POLK: variants seen among roughly 807,000 people sequenced by gnomAD.
POLK encodes the protein polymerase (DNA directed) kappa.
Under a neutral mutation model 94.0 loss-of-function variants are expected in POLK, and 76 were observed. The ratio of observed to expected loss-of-function variants is 0.81; its 90% CI spans 0.67 to 0.98. POLK has a LOEUF of 0.98. POLK is among the 50% of genes least tolerant of loss of function. POLK has a pLI of 0.00. For missense variants in POLK, 954 were observed against 1,010.1 expected (o/e 0.94, Z 0.75); for synonymous variants, 349 against 325.4 (o/e 1.07, Z -0.78).
In POLK at chr5:75,588,021, T is replaced by G. The variant is rs140251902; in HGVS notation, c.1259+963T>G. 2.1e-3 allele frequency among the ~76,000 whole-genome samples: 316 copies of G among 152,150 alleles called. 1 individual carries two copies. In the East Asian group the frequency reaches 0.027, roughly 13 times the overall value. ...CAGAAAAGCTGATTAACTTTTACAA[T>G]ACAACATAATAAATGGCTTTGATAA... On this transcript the variant is annotated intron_variant, in intron 10 of 14. Coordinates refer to ENST00000241436, the Ensembl canonical transcript of POLK.
chr5:75,565,806 G>A (rs1771235512), intron 3 of POLK, among the ~76,000 whole-genome samples: 1 of 152,200 alleles, frequency 6.6e-6, no homozygotes, highest in Admixed American at 6.5e-5. Flanking sequence ...CCTGTATGAG[G>A]TGTCTGTCAA....
chr5:75,583,331 G>T (rs766628193), exon 8 of POLK: 6 of 1,605,336 alleles, frequency 3.7e-6, no homozygotes, highest in Non-Finnish European at 4.3e-6. Context: ...AGTATGCAGT[G>T]ATAAGAATAA....
At chr5:75,567,223 C>T (rs1157090899) in intron 3 of POLK, among the ~76,000 whole-genome samples, 1 of 152,060 alleles carries the variant, frequency 6.6e-6, no homozygotes, top group African/African-American at 2.4e-5. Context: ...TTTTTCTTTT[C>T]TAGATGATTC....
At chr5:75,603,712 T>C (rs1039445511), downstream of POLK, among the ~76,000 whole-genome samples, 14 of 152,144 alleles carry the variant, frequency 9.2e-5, no homozygotes, top group Non-Finnish European at 8.8e-5. Context: ...CCAAGCTGTT[T>C]CTCCTTTCTG....
chr5:75,555,526 A>G (rs148238713), intron 3 of POLK, among the ~76,000 whole-genome samples: 144 of 152,000 alleles, frequency 9.5e-4, no homozygotes, highest in African/African-American at 3.3e-3. Flanking sequence ...AATATTATTC[A>G]ATTGTCTGGG....
chr5:75,601,436 T>G (rs1403931161), downstream of POLK, among the ~76,000 whole-genome samples: 1 of 152,180 alleles, frequency 6.6e-6, no homozygotes, highest in African/African-American at 2.4e-5. Flanking sequence ...TGCAAAATAT[T>G]GTTCCTGGGT....
At chr5:75,597,366 G>A in intron 13 of POLK, 188 bp downstream of exon 13, 3 of 522,498 alleles carry the variant, frequency 5.7e-6, no homozygotes, top group Non-Finnish European at 3.4e-6. Context: ...GTGAATTTGG[G>A]GAAAACTTTG....
chr5:75,566,365 G>A (rs1441744551), intron 3 of POLK, among the ~76,000 whole-genome samples: 1 of 152,228 alleles, frequency 6.6e-6, no homozygotes, highest in Non-Finnish European at 1.5e-5. Flanking sequence ...CCGTTTCCCA[G>A]GGAATGAACG....
intron 4 of POLK, among the ~76,000 whole-genome samples, chr5:75,570,001 T>C (rs1007736389): frequency 6.6e-6 from 1 of 152,164 alleles, no homozygotes; most frequent in Non-Finnish European, 1.5e-5. Flanking sequence ...GATTCTACAT[T>C]ATGGTGAGTT....
chr5:75,576,895 G>T (rs3104717), exon 6 of POLK: 44 of 1,556,256 alleles, frequency 2.8e-5, no homozygotes, highest in Non-Finnish European at 3.8e-5. Context: ...GAGGATAAAA[G>T]AAGGTATTTC....
At chr5:75,516,031 AT>A (rs1254324378) in intron 1 of POLK, among the ~76,000 whole-genome samples, 1 of 152,092 alleles carries the variant, frequency 6.6e-6, no homozygotes, top group African/African-American at 2.4e-5. Context: ...AGTATGCCTT[AT>A]TTTGAGAAAT....
At chr5:75,579,918 C>T (rs958051690) in intron 6 of POLK, among the ~76,000 whole-genome samples, 6 of 149,284 alleles carry the variant, frequency 4.0e-5, no homozygotes, top group South Asian at 2.1e-4. Flanking sequence ...CGTGATGGCT[C>T]GCGCCTGTAG....
exon 13 of POLK, chr5:75,596,563 T>G: frequency 6.2e-7 from 1 of 1,613,782 alleles, no homozygotes; most frequent in Non-Finnish European, 8.5e-7. Context: ...GATACTTACC[T>G]GTCCTGTTTG....
At chr5:75,528,071 G>T (rs1768959946) in intron 1 of POLK, among the ~76,000 whole-genome samples, 1 of 152,088 alleles carries the variant, frequency 6.6e-6, no homozygotes, top group East Asian at 1.9e-4. Flanking sequence ...CAGATGCCCA[G>T]ACACATCATG....
At position 75,563,363 on chromosome 5, in the gene POLK, A is replaced by AT. The variant is rs1288440755; in HGVS notation, c.256-5970dup. ...AAAAAACCAGCTCCTGAACTCATTG[A>AT]TTTTTTTAAGGGATTTTCGTGTCTC... is the stretch of plus-strand genomic sequence containing the variant. On this transcript the variant is annotated intron_variant, in intron 3 of 14. Transcript: ENST00000241436. 1.1e-4 allele frequency among the ~76,000 whole-genome samples: 16 copies of AT among 152,094 alleles called. No individual in the cohort carries two copies. In the East Asian group the frequency reaches 2.5e-3, roughly 24 times the overall value.
chr5:75,562,277 G>T (rs1238385967), intron 3 of POLK, among the ~76,000 whole-genome samples: 1 of 152,122 alleles, frequency 6.6e-6, no homozygotes, highest in Non-Finnish European at 1.5e-5. Context: ...TGTAGCAATT[G>T]TGAGTGAGAG....
At chr5:75,589,729 C>G (rs1359600007) in intron 10 of POLK, among the ~76,000 whole-genome samples, 1 of 152,192 alleles carries the variant, frequency 6.6e-6, no homozygotes, top group Non-Finnish European at 1.5e-5. Flanking sequence ...TGAAGAGTCA[C>G]TTGCTCAGGG....
chr5:75,556,818 T>C (rs556758381), intron 3 of POLK, among the ~76,000 whole-genome samples: 2 of 152,296 alleles, frequency 1.3e-5, no homozygotes, highest in South Asian at 4.1e-4. Flanking sequence ...TCCCAGCACT[T>C]TGGGAGACCA....
At chr5:75,511,330 G>A (rs753522307), upstream of POLK, 5 of 1,546,930 alleles carry the variant, frequency 3.2e-6, no homozygotes, top group African/African-American at 2.7e-5. Flanking sequence ...TCCGGTGTGG[G>A]GGGGAGCAGG....
Sources: allele counts gnomAD v4.1 joint callset (sites outside exome capture counted in the v4.1 genomes callset), GRCh38; gene constraint gnomAD v4.1.1; transcripts MANE v1.5; gene names NCBI Gene and HGNC (gene_info 2026-07-23, HGNC 2026-07-21).